The following DNAH11 variants were observed in gnomAD, a reference collection of about 807,000 sequenced individuals.
DNAH11 encodes dynein axonemal heavy chain 11, also known as axonemal beta dynein heavy chain 11.
In DNAH11, 442 loss-of-function variants were observed where a neutral mutation model predicts 526.0. That is an observed-to-expected ratio of 0.84 (90% CI 0.78 to 0.91). The LOEUF is 0.91. DNAH11 is among the 40% of genes least tolerant of loss of function. The pLI, the probability that DNAH11 is intolerant of heterozygous loss-of-function variation, is 0.00. For synonymous variants in DNAH11, 2,461 were observed against 1,935.9 expected (o/e 1.27, Z -7.12); for missense variants, 6,989 against 5,448.7 (o/e 1.28, Z -8.90).
intron 25 of DNAH11, among the ~76,000 whole-genome samples, chr7:21,621,694 G>T (rs1786065163): frequency 2.0e-5 from 3 of 151,698 alleles, no homozygotes; most frequent in South Asian, 4.1e-4. Context: ...ATGTAATCCA[G>T]CATATAAACA....
chr7:21,614,652 A>G (rs1352968873), intron 20 of DNAH11, among the ~76,000 whole-genome samples: 1 of 152,206 alleles, frequency 6.6e-6, no homozygotes, highest in Non-Finnish European at 1.5e-5. Flanking sequence ...TTTATTTCAC[A>G]AATTCTCTTG....
chr7:21,732,460 G>C (rs146813676), intron 45 of DNAH11, among the ~76,000 whole-genome samples: 5 of 152,028 alleles, frequency 3.3e-5, no homozygotes, highest in Admixed American at 3.3e-4. Context: ...ATGAATGTTG[G>C]GGGGACACAA....
chr7:21,601,593 C>G lies in DNAH11; in HGVS notation c.3623C>G (p.Pro1208Arg), dbSNP rs1060503057. The G allele has an allele frequency of 6.3e-7, 1 of 1,592,816 alleles. No homozygotes were observed. Among genetic ancestry groups the G allele is most frequent in the Non-Finnish European group, 8.6e-7 (1 of 1,165,014 alleles). Residue 1208 changes from proline to arginine, a missense_variant, in exon 18 of 82, where the codon CCT becomes CGT. Pro to Arg is a moderately radical substitution (Grantham distance 103, BLOSUM62 -2). Coordinates refer to ENST00000409508, the MANE Select transcript of DNAH11 (RefSeq NM_001277115.2). ...TTGGAAAGCTATGGCCAGAAGATGC[C>G]TGAGCAGGTCTATATTCAGCTAGAG... Reference protein sequence around the residue: ...TLLESYGQKMPEQVYIQLEEL... With the variant: ...TLLESYGQKMREQVYIQLEEL...
rs551109046 is a variant in DNAH11 at position 21,861,385 on chromosome 7, A to G, written c.11203-468A>G. On this transcript the variant is annotated intron_variant, in intron 68 of 81. Coordinates refer to ENST00000409508, the MANE Select transcript of DNAH11 (RefSeq NM_001277115.2). ...ACTGCAAGTAAAACCTACTCCCCCA[A>G]AAATGTATGGCCTTGAATCTGCATT... Among the ~76,000 whole-genome samples, 4 of 152,336 alleles carry G rather than the reference A, an allele frequency of 2.6e-5. No individual in the cohort carries two copies. In the East Asian group the frequency reaches 7.7e-4, roughly 29 times the overall value.
chr7:21,742,083 C>A lies in DNAH11; in HGVS notation c.8071C>A (p.Gln2691Lys), dbSNP rs1471536262. The A allele has an allele frequency of 1.2e-6, 2 of 1,613,970 alleles. No homozygotes were observed. Among genetic ancestry groups the A allele is most frequent in the South Asian group, 1.1e-5 (1 of 91,082 alleles). Reference protein sequence around the residue: ...TLIQATIAFHQTMMCNFLPTA... With the variant: ...TLIQATIAFHKTMMCNFLPTA... ...GATCCAGGCAACAATAGCATTCCAT[C>A]AGACAATGATGTGTAACTTTTTACC... Residue 2691 changes from glutamine (Q) to lysine (K), a missense_variant, in exon 49 of 82, where the codon CAG (glutamine) becomes AAG (lysine). Physicochemically the swap from Gln to Lys is moderately conservative, Grantham distance 53. Coordinates refer to ENST00000409508, the MANE Select transcript of DNAH11 (RefSeq NM_001277115.2).
intron 14 of DNAH11, among the ~76,000 whole-genome samples, chr7:21,597,119 C>T (rs1359847362): frequency 1.6e-5 from 2 of 124,172 alleles, no homozygotes; most frequent in African/African-American, 3.0e-5. Flanking sequence ...AGGAGCAGGA[C>T]CATGGAATAT....
At chr7:21,823,402 C>G (rs946405353) in intron 65 of DNAH11, among the ~76,000 whole-genome samples, 7 of 152,108 alleles carry the variant, frequency 4.6e-5, no homozygotes, top group East Asian at 3.8e-4. Flanking sequence ...GATAATCCCC[C>G]CTCCTGTGAT....
chr7:21,818,148 C>G (rs1356189124), intron 64 of DNAH11, 69 bp from the exon 65 acceptor site: 11 of 1,472,984 alleles, frequency 7.5e-6, no homozygotes, highest in Admixed American at 6.3e-5. Context: ...ATAATTTGAT[C>G]ATTTAAAAAA....
intron 33 of DNAH11, 47 bp from the exon 34 acceptor site, chr7:21,687,335 T>C: frequency 6.3e-7 from 1 of 1,579,554 alleles, no homozygotes; most frequent in Non-Finnish European, 8.6e-7. Flanking sequence ...TATAATAGCG[T>C]AAAAACCCCT....
chr7:21,873,464 T>C lies in DNAH11; in HGVS notation c.12158T>C (p.Leu4053Pro), dbSNP rs1234034670. The change falls in exon 74 of 82, where the codon CTG becomes CCG. Residue 4053 changes from leucine to proline, a missense_variant. By Grantham distance (98) the Leu-to-Pro change is moderately conservative. Transcript: ENST00000409508. Reference sequence around the variant, plus strand: ...ACTAATGAACCCCCAACAGGGATGCTGGCCAATTTGCATGCCGCCCTGTAC... The same window carrying C: ...ACTAATGAACCCCCAACAGGGATGCCGGCCAATTTGCATGCCGCCCTGTAC... ...KITNEPPTGM[L>P]ANLHAALYNF... 5.0e-6 allele frequency: 8 copies of C among 1,613,976 alleles called. No individual in the cohort carries two copies. The highest frequency in any genetic ancestry group is 6.8e-6 in the Non-Finnish European group (8 of 1,179,872).
intron 74 of DNAH11, among the ~76,000 whole-genome samples, chr7:21,875,078 C>T (rs1039562101): frequency 6.6e-6 from 1 of 152,136 alleles, no homozygotes. Context: ...CAGTTAATTA[C>T]TTCATTAAAT....
chr7:21,897,516 A>G (rs117090769), intron 79 of DNAH11, among the ~76,000 whole-genome samples: 1 of 152,268 alleles, frequency 6.6e-6, no homozygotes, highest in East Asian at 1.9e-4. Context: ...ATTATTCTTT[A>G]TATTTTAGTA....
chr7:21,682,066 G>A (rs1783165496), intron 31 of DNAH11, among the ~76,000 whole-genome samples: 1 of 152,192 alleles, frequency 6.6e-6, no homozygotes, highest in Admixed American at 6.5e-5. Context: ...TTTAAACCAT[G>A]TCTGTGTGCC....
intron 30 of DNAH11, among the ~76,000 whole-genome samples, chr7:21,666,787 T>G (rs1256464649): frequency 6.6e-6 from 1 of 151,940 alleles, no homozygotes; most frequent in Non-Finnish European, 1.5e-5. Context: ...TATAACAATG[T>G]GATCTGATAG....
At chr7:21,743,118 A>G (rs569040968) in intron 49 of DNAH11, among the ~76,000 whole-genome samples, 3 of 152,354 alleles carry the variant, frequency 2.0e-5, no homozygotes, top group Non-Finnish European at 4.4e-5. Context: ...AAGTTTCAAG[A>G]CATGAATTGT....
intron 63 of DNAH11, among the ~76,000 whole-genome samples, chr7:21,810,189 A>G (rs1789452534): frequency 6.6e-6 from 1 of 152,240 alleles, no homozygotes; most frequent in Admixed American, 6.5e-5. Flanking sequence ...AAAGTGAAGT[A>G]ATAGATTTGC....
chr7:21,811,284 GA>G (rs111771511), intron 63 of DNAH11, among the ~76,000 whole-genome samples: 30 of 150,666 alleles, frequency 2.0e-4, no homozygotes, highest in African/African-American at 7.4e-4. Context: ...CCAACATGGT[GA>G]AACCCCCCCC....
At chr7:21,685,806 C>T (rs953671542) in intron 32 of DNAH11, among the ~76,000 whole-genome samples, 4 of 152,092 alleles carry the variant, frequency 2.6e-5, no homozygotes, top group African/African-American at 9.7e-5. Flanking sequence ...GTGTTTTAGC[C>T]AGTGAAAGGG....
intron 38 of DNAH11, 92 bp from the exon 39 acceptor site, chr7:21,705,368 T>G (rs1583611363): frequency 2.4e-6 from 3 of 1,263,116 alleles, no homozygotes; most frequent in East Asian, 4.9e-5. Flanking sequence ...CTGGCTTGGG[T>G]GTAAGGAAAG....
Sources: gnomAD v4.1 joint callset for allele counts (sites outside exome capture counted in the v4.1 genomes callset) on GRCh38, gnomAD v4.1.1 for gene constraint, MANE v1.5 for transcripts, NCBI Gene and HGNC (gene_info 2026-07-23, HGNC 2026-07-21) for gene names.